Variants in EFHC1 observed in about 807,000 individuals in gnomAD.
The protein encoded by EFHC1 is EF-hand domain containing 1.
In EFHC1, 53 loss-of-function variants were observed where a neutral mutation model predicts 69.9. The observed-to-expected ratio is 0.76, with a 90% CI of 0.61 to 0.95. EFHC1 has a LOEUF of 0.95. EFHC1 is among the 40% of genes least tolerant of loss of function. EFHC1 has a pLI of 0.00. For missense variants in EFHC1, 739 were observed against 798.7 expected, an observed-to-expected ratio of 0.93 and a Z score of 0.90; for synonymous variants, 256 against 278.4, an observed-to-expected ratio of 0.92 and a Z score of 0.80.
chr6:52,465,566 G>A (rs1765286327), intron 6 of EFHC1, among the ~76,000 whole-genome samples: 1 of 151,872 alleles, frequency 6.6e-6, no homozygotes, highest in South Asian at 2.1e-4. Flanking sequence ...CAGCACTTTG[G>A]GAGGCCAGGG....
intron 3 of EFHC1, among the ~76,000 whole-genome samples, chr6:52,440,090 A>G (rs56179208): frequency 6.6e-6 from 1 of 152,098 alleles, no homozygotes; most frequent in African/African-American, 2.4e-5. Flanking sequence ...CATTATTGAC[A>G]GTAATTAGGA....
chr6:52,432,868 T>C (rs908021350), intron 2 of EFHC1, among the ~76,000 whole-genome samples: 4 of 151,958 alleles, frequency 2.6e-5, no homozygotes, highest in Non-Finnish European at 5.9e-5. Flanking sequence ...TTTTAGAGGC[T>C]TTGTTCATAT....
chr6:52,469,090 T>A, intron 6 of EFHC1: 1 of 511,514 alleles, frequency 2.0e-6, no homozygotes, highest in East Asian at 3.8e-5. Flanking sequence ...CAATAGTTTC[T>A]CTGTAGCCCT....
chr6:52,479,608 C>T (rs1008851908), intron 8 of EFHC1, 32 bp from the exon 9 acceptor site: 2 of 1,614,122 alleles, frequency 1.2e-6, no homozygotes, highest in Non-Finnish European at 8.5e-7. Context: ...GAGAACATCA[C>T]CAAGCTAAGT....
chr6:52,453,183 T>G, intron 4 of EFHC1: 1 of 1,322,060 alleles, frequency 7.6e-7, no homozygotes, highest in Non-Finnish European at 9.9e-7. Flanking sequence ...CATAGACTCC[T>G]TTGTGAAACC....
chr6:52,425,826 A>C (rs536274674), intron 2 of EFHC1, among the ~76,000 whole-genome samples: 1 of 152,330 alleles, frequency 6.6e-6, no homozygotes, highest in South Asian at 2.1e-4. Flanking sequence ...GGTCCACATA[A>C]TAGCCAACAT....
chr6:52,453,835 G>T (rs1454272885), intron 4 of EFHC1: 13 of 1,322,860 alleles, frequency 9.8e-6, no homozygotes, highest in African/African-American at 3.0e-5. Context: ...TAATATTTTG[G>T]ATCAAAGTGA....
At chr6:52,438,086 G>A (rs1213279389) in intron 2 of EFHC1, among the ~76,000 whole-genome samples, 3 of 151,944 alleles carry the variant, frequency 2.0e-5, no homozygotes, top group Non-Finnish European at 4.4e-5. Flanking sequence ...CCCACTCTTA[G>A]CTTGCAGGTC....
intron 6 of EFHC1, chr6:52,468,866 C>T (rs962012700): frequency 3.4e-5 from 6 of 178,254 alleles, no homozygotes; most frequent in Non-Finnish European, 7.2e-5. Context: ...CCAAGTAGTA[C>T]GCCGTAGACA....
chr6:52,495,047 G>A lies in EFHC1; in HGVS notation c.*2706G>A. On this transcript the variant is annotated 3_prime_UTR_variant, in exon 11 of 11. Transcript: ENST00000371068. ...GAAACTGCCCAGTGCACCACTCTCAGATGGACGGGACCCAGTCTGTACCTG... is the reference window on the plus strand; with the variant it reads ...GAAACTGCCCAGTGCACCACTCTCAAATGGACGGGACCCAGTCTGTACCTG... 1 of 454,070 alleles carries A rather than the reference G, an allele frequency of 2.2e-6. No individual in the cohort carries two copies. The highest frequency in any genetic ancestry group is 4.4e-6 in the Non-Finnish European group (1 of 226,792). The allele number at this position is 454,070 out of a possible 1,614,324, so 28.1% of individuals were successfully genotyped here.
intron 3 of EFHC1, 147 bp from the exon 4 acceptor site, chr6:52,452,541 G>A: frequency 2.4e-6 from 2 of 819,300 alleles, no homozygotes; most frequent in Admixed American, 4.4e-5. Context: ...CGTTTCAGGA[G>A]TCCTCCTACC....
intron 2 of EFHC1, among the ~76,000 whole-genome samples, chr6:52,432,512 AAGG>A (rs1764438434): frequency 6.6e-6 from 1 of 152,150 alleles, no homozygotes; most frequent in Non-Finnish European, 1.5e-5. Context: ...TCTTTTGTTT[AAGG>A]AGGCTGAAGA....
intron 2 of EFHC1, chr6:52,430,186 G>T (rs946244323): frequency 6.6e-6 from 1 of 152,100 alleles, no homozygotes; most frequent in Non-Finnish European, 1.5e-5. Flanking sequence ...TACCTATTTG[G>T]ATGACCTTTA....
At position 52,494,778 on chromosome 6, in the gene EFHC1, G is replaced by A. The variant is rs1315071409; in HGVS notation, c.*2437G>A. The A allele has an allele frequency of 6.6e-6, 3 of 451,656 alleles. No homozygotes were observed. Among genetic ancestry groups the A allele is most frequent in the African/African-American group, 6.0e-5 (3 of 49,936 alleles). 28.0% of individuals were successfully genotyped at this position (451,656 alleles called of 1,614,324 possible). ...GTATTCAATGTTTAGCTCCCACTTA[G>A]AAGTAAGAACATGCAATATTTGGTT... is the stretch of plus-strand genomic sequence containing the variant. On this transcript the variant is annotated 3_prime_UTR_variant, in exon 11 of 11. Coordinates refer to ENST00000371068, the MANE Select transcript of EFHC1 (RefSeq NM_018100.4).
At chr6:52,455,901 G>A (rs9395794) in intron 5 of EFHC1, among the ~76,000 whole-genome samples, 49,287 of 151,966 alleles carry the variant, frequency 0.32, 8,207 homozygotes, top group Admixed American at 0.46. Flanking sequence ...GTAGTTAGAA[G>A]CAGTAAACAA....
intron 5 of EFHC1, among the ~76,000 whole-genome samples, chr6:52,457,234 G>C (rs1279518415): frequency 6.6e-6 from 1 of 152,214 alleles, no homozygotes; most frequent in African/African-American, 2.4e-5. Flanking sequence ...AATAACATGA[G>C]TATACCAGAT....
intron 3 of EFHC1, among the ~76,000 whole-genome samples, chr6:52,442,436 C>T (rs1333215473): frequency 6.6e-6 from 1 of 151,310 alleles, no homozygotes. Context: ...CTAGTGGTAT[C>T]CCTCCCCACA....
chr6:52,436,919 G>C (rs1764546832), intron 2 of EFHC1, among the ~76,000 whole-genome samples: 1 of 152,190 alleles, frequency 6.6e-6, no homozygotes, highest in African/African-American at 2.4e-5. Flanking sequence ...TGGGATTACA[G>C]GCGTAAGCCA....
At chr6:52,421,049 G>T (rs1420931675) in intron 1 of EFHC1, 1 of 993,932 alleles carries the variant, frequency 1.0e-6, no homozygotes, top group East Asian at 1.1e-4. Flanking sequence ...TATCGATTCC[G>T]CTCCTCTTCT....
Sources: gnomAD v4.1 joint callset for allele counts (sites outside exome capture counted in the v4.1 genomes callset) on GRCh38, gnomAD v4.1.1 for gene constraint, MANE v1.5 for transcripts, NCBI Gene and HGNC (gene_info 2026-07-23, HGNC 2026-07-21) for gene names.